DPYD: variants seen among roughly 807,000 people sequenced by gnomAD.
DPYD encodes the protein dihydropyrimidine dehydrogenase [NADP(+)].
In DPYD, 109 loss-of-function variants were observed where a neutral mutation model predicts 116.2. The ratio of observed to expected loss-of-function variants is 0.94; its 90% CI spans 0.80 to 1.10. The LOEUF (loss-of-function observed/expected upper bound fraction) is 1.10. Among genes scored for constraint, DPYD ranks in the 50% least tolerant of loss-of-function variants. The probability of loss-of-function intolerance (pLI) is 0.00; values close to 1 mark genes in which losing one functional copy is unlikely to be tolerated. For missense variants in DPYD, 1,302 were observed against 1,254.5 expected, an observed-to-expected ratio of 1.04 and a Z score of -0.57; for synonymous variants, 440 against 432.0, an observed-to-expected ratio of 1.02 and a Z score of -0.23.
chr1:97,367,973 A>C (rs183038327), intron 16 of DPYD, among the ~76,000 whole-genome samples: 2 of 152,234 alleles, frequency 1.3e-5, no homozygotes, highest in Admixed American at 1.3e-4. Flanking sequence ...TTCCTCATGG[A>C]AAGTTTGATT....
chr1:97,836,454 G>A (rs1296271384), intron 2 of DPYD, among the ~76,000 whole-genome samples: 2 of 152,240 alleles, frequency 1.3e-5, no homozygotes, highest in African/African-American at 4.8e-5. Context: ...GTAATGCAGT[G>A]CATGATGTAC....
intron 8 of DPYD, among the ~76,000 whole-genome samples, chr1:97,640,852 T>C (rs1657850065): frequency 6.6e-6 from 1 of 152,078 alleles, no homozygotes; most frequent in Admixed American, 6.6e-5. Context: ...GCCAAAACAG[T>C]GATAGAAGAA....
intron 14 of DPYD, among the ~76,000 whole-genome samples, chr1:97,417,938 A>T (rs865901213): frequency 6.6e-6 from 1 of 152,210 alleles, no homozygotes; most frequent in South Asian, 2.1e-4. Context: ...TCAATCCATA[A>T]ATCCACCCTT....
chr1:97,290,061 C>A (rs1218100043), intron 18 of DPYD, among the ~76,000 whole-genome samples: 2 of 152,052 alleles, frequency 1.3e-5, no homozygotes, highest in African/African-American at 2.4e-5. Flanking sequence ...AGACAGAGAG[C>A]CAAATCATGA....
chr1:97,651,615 A>G (rs954730992), intron 8 of DPYD, among the ~76,000 whole-genome samples: 1 of 152,106 alleles, frequency 6.6e-6, no homozygotes, highest in Admixed American at 6.6e-5. Context: ...TGACCCCACA[A>G]AACTTACTGC....
In DPYD at chr1:97,814,584, T is replaced by C. The variant is rs1039695024; in HGVS notation, c.233+13530A>G. Among the ~76,000 whole-genome samples the C allele has an allele frequency of 4.6e-5, 7 of 152,258 alleles. 1 individual carries two copies. In the South Asian group the frequency reaches 1.5e-3, roughly 32 times the overall value. ...TGCGCATGTGAGAGAGAAAATTTTT[T>C]CCACGAATTCCAGATTTGTAGTTCA... On this transcript the variant is annotated intron_variant, in intron 3 of 22. Coordinates refer to ENST00000370192, the MANE Select transcript of DPYD (RefSeq NM_000110.4).
At chr1:97,134,009 AAAAAAAT>A (rs1653551527) in intron 20 of DPYD, among the ~76,000 whole-genome samples, 5 of 47,902 alleles carry the variant, frequency 1.0e-4, no homozygotes, top group South Asian at 8.3e-4. Flanking sequence ...AAAAAAAAAA[AAAAAAAT>A]ATATATATAT....
chr1:97,803,777 A>G (rs1381901469), intron 3 of DPYD, among the ~76,000 whole-genome samples: 1 of 151,870 alleles, frequency 6.6e-6, no homozygotes, highest in Non-Finnish European at 1.5e-5. Context: ...TTAGGGTTAT[A>G]TTTCATTATG....
intron 1 of DPYD, among the ~76,000 whole-genome samples, chr1:97,913,234 T>C (rs1024773290): frequency 1.3e-5 from 2 of 152,112 alleles, no homozygotes; most frequent in Non-Finnish European, 2.9e-5. Context: ...ATTAAAAAAG[T>C]TTAAAATCAG....
chr1:97,466,279 C>T (rs1323070855), intron 13 of DPYD, among the ~76,000 whole-genome samples: 2 of 152,132 alleles, frequency 1.3e-5, no homozygotes, highest in Non-Finnish European at 2.9e-5. Context: ...CAAAATCTTC[C>T]TATCACTTTG....
intron 18 of DPYD, among the ~76,000 whole-genome samples, chr1:97,293,155 T>G (rs1666317400): frequency 6.6e-6 from 1 of 152,218 alleles, no homozygotes; most frequent in South Asian, 2.1e-4. Flanking sequence ...AATTGTGACC[T>G]GTCATTACTG....
chr1:97,425,085 A>G (rs187714646), intron 14 of DPYD, among the ~76,000 whole-genome samples: 1 of 152,166 alleles, frequency 6.6e-6, no homozygotes, highest in East Asian at 1.9e-4. Flanking sequence ...ATTATAAAAT[A>G]CTGATAAACT....
At chr1:97,332,272 A>C (rs1287707980) in intron 16 of DPYD, among the ~76,000 whole-genome samples, 2 of 152,168 alleles carry the variant, frequency 1.3e-5, no homozygotes, top group African/African-American at 4.8e-5. Flanking sequence ...AACTACTTTA[A>C]ATGGGCCAGA....
chr1:97,401,089 T>G (rs1004741666), intron 14 of DPYD, among the ~76,000 whole-genome samples: 3 of 152,124 alleles, frequency 2.0e-5, no homozygotes, highest in Non-Finnish European at 4.4e-5. Context: ...TTTCATATGC[T>G]TATCTGCTAT....
At chr1:97,659,946 T>C (rs1346801926) in intron 8 of DPYD, among the ~76,000 whole-genome samples, 2 of 152,138 alleles carry the variant, frequency 1.3e-5, no homozygotes, top group African/African-American at 2.4e-5. Context: ...GGTGAATTCA[T>C]CTTCAACTTT....
intron 2 of DPYD, among the ~76,000 whole-genome samples, chr1:97,858,487 G>T (rs1034844474): frequency 6.6e-6 from 1 of 152,088 alleles, no homozygotes; most frequent in Non-Finnish European, 1.5e-5. Context: ...TGAATAAATT[G>T]CTTCCTTTCT....
At chr1:97,558,442 TAGTC>T (rs745924018) in intron 11 of DPYD, among the ~76,000 whole-genome samples, 5 of 152,128 alleles carry the variant, frequency 3.3e-5, no homozygotes, top group Admixed American at 6.6e-5. Flanking sequence ...TTTTCACAAT[TAGTC>T]AGTTCATCAT....
intron 20 of DPYD, among the ~76,000 whole-genome samples, chr1:97,163,792 C>T (rs575831342): frequency 6.6e-6 from 1 of 152,168 alleles, no homozygotes; most frequent in Non-Finnish European, 1.5e-5. Flanking sequence ...ACATCTCTTA[C>T]TACTGATGCT....
intron 20 of DPYD, among the ~76,000 whole-genome samples, chr1:97,116,444 A>C (rs545776197): frequency 6.6e-6 from 1 of 152,244 alleles, no homozygotes; most frequent in Admixed American, 6.5e-5. Context: ...GGGCCAAGGA[A>C]GGCAGATTAC....
Sources: allele counts gnomAD v4.1 joint callset (sites outside exome capture counted in the v4.1 genomes callset), GRCh38; gene constraint gnomAD v4.1.1; transcripts MANE v1.5; gene names NCBI Gene and HGNC (gene_info 2026-07-23, HGNC 2026-07-21).